FSD1L: variants seen among roughly 807,000 people sequenced by gnomAD.
The protein encoded by FSD1L is FSD1-like protein.
In FSD1L, 45 loss-of-function variants were observed where a neutral mutation model predicts 71.6. The observed-to-expected ratio is 0.63, with a 90% CI of 0.49 to 0.81. The LOEUF (loss-of-function observed/expected upper bound fraction) is 0.81. FSD1L is among the 30% of genes least tolerant of loss of function. The pLI is 0.00. For missense variants in FSD1L, 561 were observed against 618.1 expected, an observed-to-expected ratio of 0.91 and a Z score of 0.98; for synonymous variants, 197 against 207.2, an observed-to-expected ratio of 0.95 and a Z score of 0.42.
intron 5 of FSD1L, among the ~76,000 whole-genome samples, chr9:105,478,073 TCTCTA>T (rs1831927904): frequency 6.6e-6 from 1 of 152,054 alleles, no homozygotes; most frequent in Non-Finnish European, 1.5e-5. Context: ...TGAAACCCCG[TCTCTA>T]ATAAAAATAC....
chr9:105,449,886 A>G (rs753014547), intron 1 of FSD1L, among the ~76,000 whole-genome samples: 1 of 152,206 alleles, frequency 6.6e-6, no homozygotes. Context: ...TACCACGTGC[A>G]GTTTCCTGAG....
upstream of FSD1L, chr9:105,447,931 A>C (rs62575094): frequency 0.4 from 207,520 of 515,638 alleles, 43,308 homozygotes; most frequent in Admixed American, 0.46. Context: ...AGCGGTAGAC[A>C]GACGGGCGGC....
At chr9:105,532,805 C>T (rs1196122040) in intron 10 of FSD1L, among the ~76,000 whole-genome samples, 6 of 152,178 alleles carry the variant, frequency 3.9e-5, no homozygotes, top group Non-Finnish European at 7.4e-5. Context: ...TGTTGTAGTT[C>T]TAGACTTACA....
chr9:105,480,369 T>C (rs1377183181), intron 6 of FSD1L, among the ~76,000 whole-genome samples: 2 of 151,384 alleles, frequency 1.3e-5, no homozygotes, highest in Middle Eastern at 3.2e-3. Context: ...CTTGTCACAC[T>C]GCAACCTCTG....
intron 10 of FSD1L, among the ~76,000 whole-genome samples, chr9:105,533,416 C>CTTTTTTTTTTTTTTT (rs754896606): frequency 0.028 from 815 of 29,058 alleles, 311 homozygotes; most frequent in East Asian, 0.033. Flanking sequence ...CCATTTCCAT[C>CTTTTTTTTTTTTTTT]TTTTTTTTTT....
Position 105,534,586 on chromosome 9 carries a change from A to G in FSD1L, c.1119A>G (p.Thr373=), listed in dbSNP as rs373334885. The change falls in exon 11 of 14, where the codon ACA becomes ACG. Residue 373 remains threonine (T), a synonymous_variant. Transcript: ENST00000481272. ...SRDRFTGESY[T]VLGDTAIESG... ...ATCGTTTTACTGGAGAATCATACAC[A>G]GTGCTGGGTAGGACAAAACATAATT... The G allele has an allele frequency of 7.3e-6, 11 of 1,517,002 alleles. No individual in the cohort carries two copies. The highest frequency in any genetic ancestry group is 9.8e-6 in the Non-Finnish European group (11 of 1,117,112). 94.0% of individuals were successfully genotyped at this position (1,517,002 alleles called of 1,614,324 possible).
intron 10 of FSD1L, chr9:105,521,314 C>T (rs1461776627): frequency 1.2e-6 from 2 of 1,614,186 alleles, no homozygotes; most frequent in Non-Finnish European, 1.7e-6. Context: ...AATGATAATG[C>T]TGATAAAGCA....
intron 1 of FSD1L, among the ~76,000 whole-genome samples, chr9:105,455,302 G>A (rs772630361): frequency 6.6e-6 from 1 of 152,104 alleles, no homozygotes; most frequent in African/African-American, 2.4e-5. Flanking sequence ...TCCCTTGTAT[G>A]TAATCCCTTA....
chr9:105,471,667 T>C (rs1021680274), intron 4 of FSD1L, among the ~76,000 whole-genome samples: 16 of 149,810 alleles, frequency 1.1e-4, no homozygotes, highest in Non-Finnish European at 2.2e-4. Flanking sequence ...TGGCAAGAGG[T>C]ACAAAGTATT....
At chr9:105,534,766 G>GA (rs772319540) in intron 11 of FSD1L, among the ~76,000 whole-genome samples, 173 bp downstream of exon 11, 59 of 152,132 alleles carry the variant, frequency 3.9e-4, no homozygotes, top group Admixed American at 9.8e-4. Flanking sequence ...TATTATTATT[G>GA]ATACTTTTAA....
At chr9:105,512,236 C>A (rs1214919699) in intron 9 of FSD1L, among the ~76,000 whole-genome samples, 13 of 151,786 alleles carry the variant, frequency 8.6e-5, no homozygotes, top group Non-Finnish European at 1.9e-4. Flanking sequence ...GGTTCTTTTC[C>A]CTCTGTACTC....
Position 105,468,385 on chromosome 9 carries a change from A to G in FSD1L, c.339+61A>G, listed in dbSNP as rs78265177. 2,244 of 1,281,324 alleles carry G rather than the reference A, an allele frequency of 1.8e-3. 40 individuals carry two copies. The African/African-American group carries it at 0.033, about 19-fold the overall frequency. 79.4% of individuals were successfully genotyped at this position (1,281,324 alleles called of 1,614,324 possible). A position where few individuals can be genotyped will look rare whatever the true frequency, so the allele number is the denominator to read the frequency against. ...TAGTCTATTTAATCCTTGATTTATG[A>G]TAAGCAAAAATTAATGAATTTCTAA... On this transcript the variant is annotated intron_variant, in intron 4 of 13. Transcript: ENST00000481272.
chr9:105,519,906 A>G (rs972113629), intron 10 of FSD1L, among the ~76,000 whole-genome samples: 2 of 152,196 alleles, frequency 1.3e-5, no homozygotes, highest in Admixed American at 6.5e-5. Flanking sequence ...GGGATCCGCC[A>G]TATTGGAGCT....
intron 10 of FSD1L, among the ~76,000 whole-genome samples, chr9:105,515,806 A>G (rs1316451399): frequency 7.0e-6 from 1 of 142,086 alleles, no homozygotes; most frequent in African/African-American, 2.7e-5. Flanking sequence ...TTTTTTTTCC[A>G]TACTCCAGTG....
intron 1 of FSD1L, among the ~76,000 whole-genome samples, chr9:105,450,664 G>T (rs13297771): frequency 4.8e-3 from 735 of 151,866 alleles, no homozygotes; most frequent in Non-Finnish European, 7.6e-3. Context: ...CTCCTGAGTA[G>T]CTGGGATTAC....
intron 10 of FSD1L, chr9:105,525,101 C>T (rs1048690395): frequency 1.0e-5 from 16 of 1,552,450 alleles, no homozygotes; most frequent in African/African-American, 1.4e-5. Context: ...GTATGGCCCA[C>T]CTCCTGTAAG....
At chr9:105,452,669 G>GCCTGCCTTCCTT (rs1191519308) in intron 1 of FSD1L, among the ~76,000 whole-genome samples, 2,688 of 95,922 alleles carry the variant, frequency 0.028, 88 homozygotes, top group African/African-American at 0.064. Flanking sequence ...CTGCCTGCCT[G>GCCTGCCTTCCTT]CCTTCCTTCC....
At position 105,479,354 on chromosome 9, in the gene FSD1L, G is replaced by A. The variant is rs1832022684; in HGVS notation, c.442G>A (p.Ala148Thr). ...TCTCTTCTCCCTGATTGGCTCCAAG[G>A]CTGCCAGACAGATCAAGGATAGGTA... is the stretch of plus-strand genomic sequence containing the variant. ...DIKEPEEFSKAARQIKDRVTM... is the reference protein window; with the variant it reads ...DIKEPEEFSKTARQIKDRVTM... Residue 148 changes from alanine to threonine, a missense_variant and splice_region_variant, in exon 6 of 14, where the codon GCT (alanine) becomes ACT (threonine). Transcript: ENST00000481272. 6.4e-7 allele frequency: 1 copy of A among 1,550,408 alleles called. No individual in the cohort carries two copies. Among genetic ancestry groups the A allele is most frequent in the Non-Finnish European group, 8.7e-7 (1 of 1,146,216 alleles).
rs763243174 is a variant in FSD1L at position 105,464,345 on chromosome 9, A to C, written c.207+14A>C. The C allele has an allele frequency of 8.3e-6, 11 of 1,327,918 alleles. No homozygotes were observed. In the Admixed American group the frequency reaches 3.1e-4, roughly 37 times the overall value. 82.3% of individuals were successfully genotyped at this position (1,327,918 alleles called of 1,614,324 possible). A position where few individuals can be genotyped will look rare whatever the true frequency, so the allele number is the denominator to read the frequency against. ...AAAGGAGTTCAGGTATGATTGTTTT[A>C]TGAAAAATTTTGTGTAAATATGTCA... On this transcript the variant is annotated intron_variant, in intron 3 of 13. Coordinates refer to ENST00000481272, the MANE Select transcript of FSD1L (RefSeq NM_001145313.3).
Sources: allele counts gnomAD v4.1 joint callset (sites outside exome capture counted in the v4.1 genomes callset), GRCh38; gene constraint gnomAD v4.1.1; transcripts MANE v1.5; gene names NCBI Gene and HGNC (gene_info 2026-07-23, HGNC 2026-07-21).